VWC2: variants seen among roughly 807,000 people sequenced by gnomAD.
The protein encoded by VWC2 is von Willebrand factor C domain containing 2.
VWC2 carries 14 observed loss-of-function variants against 29.8 expected under a neutral mutation model. The ratio of observed to expected loss-of-function variants is 0.47; its 90% CI spans 0.31 to 0.74. The LOEUF is 0.74. VWC2 is among the 30% of genes least tolerant of loss of function. The pLI, the probability that VWC2 is intolerant of heterozygous loss-of-function variation, is 0.05. For missense variants in VWC2, 457 were observed against 459.8 expected, an observed-to-expected ratio of 0.99 and a Z score of 0.05; for synonymous variants, 213 against 199.0, an observed-to-expected ratio of 1.07 and a Z score of -0.59.
chr7:49,908,998 G>T (rs947778992), intron 3 of VWC2, among the ~76,000 whole-genome samples: 15 of 152,174 alleles, frequency 9.9e-5, no homozygotes, highest in African/African-American at 3.6e-4. Flanking sequence ...ATTAATTCAG[G>T]TAAAGACTTT....
rs554993881 is a variant in VWC2 at position 49,801,144 on chromosome 7, C to G, written c.697-1567C>G. Among the ~76,000 whole-genome samples, 10 of 152,318 alleles carry G rather than the reference C, an allele frequency of 6.6e-5. No homozygotes were observed. The South Asian group carries it at 2.1e-3, about 32-fold the overall frequency. The stretch of plus-strand genomic sequence containing the variant: ...TTAAACTCCAGTTGAGCTTTTGCTT[C>G]TCGTAATAGCCAGTCCACTCAGTGG... On this transcript the variant is annotated intron_variant, in intron 2 of 3. Transcript: ENST00000340652.
At chr7:49,909,818 C>A (rs1306087185) in intron 3 of VWC2, among the ~76,000 whole-genome samples, 1 of 152,122 alleles carries the variant, frequency 6.6e-6, no homozygotes, top group Non-Finnish European at 1.5e-5. Flanking sequence ...AAAAGAAAGT[C>A]CAGGGCTGGG....
chr7:49,799,346 G>A (rs1255364725), intron 2 of VWC2, among the ~76,000 whole-genome samples: 1 of 152,252 alleles, frequency 6.6e-6, no homozygotes, highest in Non-Finnish European at 1.5e-5. Flanking sequence ...TCCTGGGTAG[G>A]GGTCCCGGAA....
At chr7:49,774,391 T>C (rs972618362) in intron 1 of VWC2, among the ~76,000 whole-genome samples, 7 of 151,384 alleles carry the variant, frequency 4.6e-5, no homozygotes. Context: ...GTTCGGGGAG[T>C]GAGGCGGAGA....
chr7:49,915,197 A>C lies in VWC2; in HGVS notation c.*3012A>C, dbSNP rs1793650777. The C allele has an allele frequency of 6.6e-6, 1 of 152,156 alleles. No individual in the cohort carries two copies. The highest frequency in any genetic ancestry group is 6.5e-5 in the Admixed American group (1 of 15,274). The allele number at this position is 152,156 out of a possible 1,614,324, so 9.4% of individuals were successfully genotyped here. A position where few individuals can be genotyped will look rare whatever the true frequency, so the allele number is the denominator to read the frequency against. On this transcript the variant is annotated 3_prime_UTR_variant, in exon 4 of 4. Coordinates refer to ENST00000340652, the MANE Select transcript of VWC2 (RefSeq NM_198570.5). ...AAGTCTTGAGAAAAGTCATTTCAAA[A>C]ACTTGTATTTCATCCCTGCATGCAA...
At chr7:49,780,526 T>C (rs571223364) in intron 2 of VWC2, among the ~76,000 whole-genome samples, 3 of 152,358 alleles carry the variant, frequency 2.0e-5, no homozygotes, top group African/African-American at 7.2e-5. Context: ...GTTTGCAAGC[T>C]TATTTCATGT....
chr7:49,840,526 G>A lies in VWC2; in HGVS notation c.826+37686G>A, dbSNP rs146997159. On this transcript the variant is annotated intron_variant, in intron 3 of 3. Transcript: ENST00000340652. The stretch of plus-strand genomic sequence containing the variant: ...CAAGTGCTGTGTAATAATGTTTAGC[G>A]GTGGGAGGGGGTGACTATGGATCAC... Among the ~76,000 whole-genome samples the A allele has an allele frequency of 5.3e-5, 8 of 152,272 alleles. No individual in the cohort carries two copies. The East Asian group carries it at 5.8e-4, about 11-fold the overall frequency.
chr7:49,831,226 C>A (rs1004426954), intron 3 of VWC2, among the ~76,000 whole-genome samples: 9 of 152,146 alleles, frequency 5.9e-5, no homozygotes, highest in Middle Eastern at 3.2e-3. Context: ...TGGCTATCTT[C>A]TTTTGTAAAT....
At chr7:49,856,574 T>C (rs1337074682) in intron 3 of VWC2, among the ~76,000 whole-genome samples, 1 of 152,192 alleles carries the variant, frequency 6.6e-6, no homozygotes, top group Non-Finnish European at 1.5e-5. Flanking sequence ...TGAAGTATAA[T>C]TGGTATATAA....
chr7:49,778,166 A>G (rs983275034), intron 2 of VWC2, among the ~76,000 whole-genome samples: 13 of 152,002 alleles, frequency 8.6e-5, no homozygotes, highest in African/African-American at 2.7e-4. Context: ...GCTTTTGTCT[A>G]TGGAGGAGAG....
At chr7:49,895,366 AGG>A (rs1792331554) in intron 3 of VWC2, among the ~76,000 whole-genome samples, 2 of 152,216 alleles carry the variant, frequency 1.3e-5, no homozygotes, top group Non-Finnish European at 2.9e-5. Flanking sequence ...TACGAATTCC[AGG>A]GGGACACCAA....
chr7:49,874,646 G>A (rs370527210), intron 3 of VWC2, among the ~76,000 whole-genome samples: 2 of 152,198 alleles, frequency 1.3e-5, no homozygotes, highest in South Asian at 2.1e-4. Context: ...GGGTATTTAT[G>A]TTCTTCCTTT....
chr7:49,903,018 T>C (rs1792857804), intron 3 of VWC2, among the ~76,000 whole-genome samples: 1 of 151,844 alleles, frequency 6.6e-6, no homozygotes, highest in Admixed American at 6.6e-5. Context: ...CATGAAAAGA[T>C]GAACATCACC....
intron 3 of VWC2, among the ~76,000 whole-genome samples, chr7:49,837,497 G>A (rs1789690647): frequency 6.6e-6 from 1 of 152,190 alleles, no homozygotes; most frequent in Admixed American, 6.5e-5. Flanking sequence ...TTCACTTTGA[G>A]TTTTGCCTTG....
chr7:49,813,462 TTGCTGTGTGCTTCTGC>T (rs1488980068), intron 3 of VWC2, among the ~76,000 whole-genome samples: 1 of 152,220 alleles, frequency 6.6e-6, no homozygotes, highest in Non-Finnish European at 1.5e-5. Flanking sequence ...TGGTCTTCTG[TTGCTGTGTGCTTCTGC>T]TGCTGCTTTG....
chr7:49,823,529 G>A (rs570420521), intron 3 of VWC2, among the ~76,000 whole-genome samples: 35 of 152,236 alleles, frequency 2.3e-4, no homozygotes, highest in African/African-American at 8.4e-4. Flanking sequence ...CTGGACATTG[G>A]GCATTTTGAA....
chr7:49,789,057 T>C (rs1788384779), intron 2 of VWC2, among the ~76,000 whole-genome samples: 1 of 145,806 alleles, frequency 6.9e-6, no homozygotes, highest in South Asian at 2.2e-4. Flanking sequence ...TGTGGGTGTA[T>C]GTGTGGGTGC....
rs1193249197 is a variant in VWC2, at chr7:49,918,496, T to C, written c.*6311T>C. The stretch of plus-strand genomic sequence containing the variant: ...GTAGCCTCCCTAGTCTAAATGCTTA[T>C]GCTATATTTTGTTTCCTAAATCTAG... On this transcript the variant is annotated 3_prime_UTR_variant, in exon 4 of 4. Transcript: ENST00000340652. The C allele has an allele frequency of 2.0e-5, 3 of 152,236 alleles. No homozygotes were observed. Among genetic ancestry groups the C allele is most frequent in the African/African-American group, 7.2e-5 (3 of 41,454 alleles). The allele number at this position is 152,236 out of a possible 1,614,324, so 9.4% of individuals were successfully genotyped here. A position where few individuals can be genotyped will look rare whatever the true frequency, so the allele number is the denominator to read the frequency against.
At chr7:49,839,971 G>A (rs1490729591) in intron 3 of VWC2, among the ~76,000 whole-genome samples, 2 of 152,204 alleles carry the variant, frequency 1.3e-5, no homozygotes, top group East Asian at 1.9e-4. Flanking sequence ...TCAAAGCTGT[G>A]GCGAGGGCCC....
Sources: gnomAD v4.1 joint callset for allele counts (sites outside exome capture counted in the v4.1 genomes callset) on GRCh38, gnomAD v4.1.1 for gene constraint, MANE v1.5 for transcripts, NCBI Gene and HGNC (gene_info 2026-07-23, HGNC 2026-07-21) for gene names.